DHX32: variants seen among roughly 807,000 people sequenced by gnomAD.
DHX32 encodes the protein putative pre-mRNA-splicing factor ATP-dependent RNA helicase DHX32.
In DHX32, 51 loss-of-function variants were observed where a neutral mutation model predicts 70.0. The observed-to-expected ratio is 0.73, with a 90% confidence interval of 0.58 to 0.92. DHX32 has a LOEUF of 0.92. DHX32 is among the 40% of genes least tolerant of loss of function. The pLI is 0.00. For synonymous variants in DHX32, 310 were observed against 315.3 expected (o/e 0.98, Z 0.18); for missense variants, 762 against 891.8 (o/e 0.85, Z 1.85).
At position 125,859,984 on chromosome 10, in the gene DHX32, A is replaced by C. The variant is rs771349445; in HGVS notation, c.477-9T>G. The stretch of plus-strand genomic sequence containing the variant: ...TATCATCAGTACAATACCTATAAAG[A>C]AGAAACATTAAAGTTAGAATATTCT... On this transcript the variant is annotated splice_polypyrimidine_tract_variant and intron_variant, in intron 2 of 10. Transcript: ENST00000284690. The C allele has an allele frequency of 1.1e-5, 16 of 1,521,422 alleles. No individual in the cohort carries two copies. The highest frequency in any genetic ancestry group is 3.5e-4 in the Middle Eastern group (2 of 5,674). The allele number at this position is 1,521,422 out of a possible 1,614,324, so 94.2% of individuals were successfully genotyped here. A position where few individuals can be genotyped will look rare whatever the true frequency, so the allele number is the denominator to read the frequency against.
chr10:125,860,546 C>G (rs559867816), intron 2 of DHX32, among the ~76,000 whole-genome samples: 1 of 152,166 alleles, frequency 6.6e-6, no homozygotes, highest in East Asian at 1.9e-4. Context: ...TAAAAAGTAA[C>G]CACCTATTTA....
Position 125,859,866 on chromosome 10 carries a change from C to T in DHX32, c.586G>A (p.Val196Met). Residue 196 changes from valine (V) to methionine (M), a missense_variant, in exon 3 of 11, where the codon GTG becomes ATG. By Grantham distance (21) the Val-to-Met change is conservative (BLOSUM62 1). This residue lies in a region of DHX32 where 394 missense variants were observed against 473.1 expected (regional missense o/e 0.83). Transcript: ENST00000284690. ...DIHERSIATDVLLGLLKDVLL... is the reference protein window; with the variant it reads ...DIHERSIATDMLLGLLKDVLL... ...ACATCTTTAAGAAGTCCAAGTAACA[C>T]ATCAGTTGCAATGCTTCTTTCATGA... The T allele has an allele frequency of 3.1e-6, 5 of 1,614,084 alleles. No homozygotes were observed. The highest frequency in any genetic ancestry group is 4.2e-6 in the Non-Finnish European group (5 of 1,180,004).
At position 125,840,864 on chromosome 10, in the gene DHX32, AGAGTTGTGTCTTG is replaced by A; in HGVS notation, c.1663_1675del (p.Gln555Ter). On this transcript the variant is annotated frameshift_variant, in exon 8 of 11. Transcript: ENST00000284690. LOFTEE classifies it high-confidence loss of function. ...TCACTTACACTCACTGCTAGAATTCAGAGTTGTGTCTTGGTAAGCCTTGTAAATGCTGATGAGG... is the reference window on the plus strand; with the variant it reads ...TCACTTACACTCACTGCTAGAATTCAGTAAGCCTTGTAAATGCTGATGAGG... 1 of 1,594,434 alleles carries A rather than the reference AGAGTTGTGTCTTG, an allele frequency of 6.3e-7. No individual in the cohort carries two copies. The highest frequency in any genetic ancestry group is 8.6e-7 in the Non-Finnish European group (1 of 1,167,444).
In DHX32 at chr10:125,839,141, G is replaced by A; in HGVS notation, c.1741C>T (p.Leu581Phe). The change falls in exon 9 of 11, where the codon CTC becomes TTC. Residue 581 changes from leucine to phenylalanine, a missense_variant. This residue lies in a region of DHX32 where 366 missense variants were observed against 402.6 expected (regional missense o/e 0.91). Transcript: ENST00000284690. Reference sequence around the variant, plus strand: ...GCTCGAATAACATCTGCCATTCTGAGTGCTGAACAGTTGAGGAAGTAATCA... The same window carrying A: ...GCTCGAATAACATCTGCCATTCTGAATGCTGAACAGTTGAGGAAGTAATCA... ...CRDYFLNCSA[L>F]RMADVIRAEL... 6.2e-7 allele frequency: 1 copy of A among 1,614,264 alleles called. No homozygotes were observed. The highest frequency in any genetic ancestry group is 8.5e-7 in the Non-Finnish European group (1 of 1,180,046).
chr10:125,884,234 T>C (rs1944331958), upstream of DHX32, among the ~76,000 whole-genome samples: 1 of 152,234 alleles, frequency 6.6e-6, no homozygotes, highest in Admixed American at 6.5e-5. Context: ...CTTATTCATC[T>C]TGCAACTGGT....
At chr10:125,875,376 C>T (rs891262067) in intron 1 of DHX32, among the ~76,000 whole-genome samples, 11 of 152,046 alleles carry the variant, frequency 7.2e-5, no homozygotes, top group Non-Finnish European at 1.5e-4. Flanking sequence ...GAACCTGGAA[C>T]ATCTTACTGA....
chr10:125,878,979 A>G (rs962009377), intron 1 of DHX32, among the ~76,000 whole-genome samples: 3 of 139,794 alleles, frequency 2.1e-5, no homozygotes, highest in Non-Finnish European at 4.6e-5. Flanking sequence ...AAGTGCTGAG[A>G]TTACAGGCAT....
chr10:125,888,086 C>A (rs1944349620), intron 1 of DHX32, among the ~76,000 whole-genome samples: 2 of 152,028 alleles, frequency 1.3e-5, no homozygotes, highest in South Asian at 4.2e-4. Flanking sequence ...AGTTTGTAAA[C>A]CCTGTACTAT....
chr10:125,855,013 C>G (rs1490648432), intron 3 of DHX32, among the ~76,000 whole-genome samples: 2 of 152,014 alleles, frequency 1.3e-5, no homozygotes, highest in African/African-American at 4.8e-5. Context: ...ATCATGAAGT[C>G]AAGAGATTGG....
intron 1 of DHX32, 132 bp from the exon 2 acceptor site, chr10:125,867,315 TCTTA>T (rs756063518): frequency 4.3e-5 from 30 of 701,984 alleles, no homozygotes; most frequent in Non-Finnish European, 6.3e-5. Context: ...CTGTATTACA[TCTTA>T]CTTAGTGAAA....
At chr10:125,876,419 A>T (rs748488310) in intron 1 of DHX32, among the ~76,000 whole-genome samples, 1 of 152,252 alleles carries the variant, frequency 6.6e-6, no homozygotes, top group Non-Finnish European at 1.5e-5. Flanking sequence ...AATGAGAAAC[A>T]TTTACATACT....
At chr10:125,846,693 T>C (rs910900811) in intron 6 of DHX32, among the ~76,000 whole-genome samples, 20 of 152,230 alleles carry the variant, frequency 1.3e-4, no homozygotes, top group Middle Eastern at 3.2e-3. Context: ...TCCATACTTA[T>C]AGGACAGGAT....
chr10:125,842,858 G>C, intron 6 of DHX32: 1 of 822,408 alleles, frequency 1.2e-6, no homozygotes, highest in Non-Finnish European at 1.5e-6. Context: ...CGATAATGAT[G>C]TGGTATTATA....
Position 125,840,961 on chromosome 10 carries a change from C to A in DHX32, c.1579G>T (p.Glu527Ter). 6.2e-7 allele frequency: 1 copy of A among 1,610,880 alleles called. No individual in the cohort carries two copies. The highest frequency in any genetic ancestry group is 2.2e-5 in the East Asian group (1 of 44,746). The change falls in exon 8 of 11, where the codon GAA (glutamate) becomes TAA (stop). Residue 527 changes from glutamate (E) to a stop codon, truncating the protein, a stop_gained. Coordinates refer to ENST00000284690, the MANE Select transcript of DHX32 (RefSeq NM_018180.3). LOFTEE classifies it high-confidence loss of function. The stretch of plus-strand genomic sequence containing the variant: ...TTCCAACAAGTCAAGGCAGCCTCTT[C>A]AGCTCCATGTGGCACATGTGAAAAG... ...NCFSHVPHGA[E>*]EAALTCWKTF...
At chr10:125,852,198 G>T (rs1011433484) in intron 6 of DHX32, 95 bp downstream of exon 6, 8 of 1,447,568 alleles carry the variant, frequency 5.5e-6, no homozygotes, top group Non-Finnish European at 5.6e-6. Context: ...ATGCTTGTGT[G>T]CATTGCTGCG....
At chr10:125,837,323 A>G (rs1854722483) in intron 10 of DHX32, among the ~76,000 whole-genome samples, 1 of 152,232 alleles carries the variant, frequency 6.6e-6, no homozygotes. Flanking sequence ...TAGTAGTGGA[A>G]CCTTCAAAAT....
chr10:125,891,353 C>CTT (rs33930520), intron 1 of DHX32, among the ~76,000 whole-genome samples: 1 of 134,646 alleles, frequency 7.4e-6, no homozygotes, highest in South Asian at 2.3e-4. Flanking sequence ...CTCTCTCTCT[C>CTT]TTTTTTTTTT....
chr10:125,893,764 CA>C (rs1308519952), intron 1 of DHX32, among the ~76,000 whole-genome samples: 11 of 142,964 alleles, frequency 7.7e-5, no homozygotes, highest in African/African-American at 2.8e-4. Context: ...CAAAAATCAA[CA>C]AAAACCCTAA....
rs767000029 is a variant in DHX32, at chr10:125,841,949, AAAT to A, written c.1352-18_1352-16del. ...ACTTTCTGGTGCTAGGAAAGGAAAA[AAAT>A]AATAATTTAAGAGTCTCATATGGCT... is the stretch of plus-strand genomic sequence containing the variant. On this transcript the variant is annotated splice_polypyrimidine_tract_variant and intron_variant, in intron 6 of 10. Coordinates refer to ENST00000284690, the MANE Select transcript of DHX32 (RefSeq NM_018180.3). 6 of 1,573,210 alleles carry A rather than the reference AAAT, an allele frequency of 3.8e-6. No homozygotes were observed. In the African/African-American group the frequency reaches 4.1e-5, roughly 11 times the overall value.
Sources: allele counts gnomAD v4.1 joint callset (sites outside exome capture counted in the v4.1 genomes callset), GRCh38; gene constraint gnomAD v4.1.1; regional missense constraint gnomAD v4.1.1; transcripts MANE v1.5; gene names NCBI Gene and HGNC (gene_info 2026-07-23, HGNC 2026-07-21).